DNAH11: variants seen among roughly 807,000 people sequenced by gnomAD.
The protein encoded by DNAH11 is dynein axonemal heavy chain 11, also known as axonemal beta dynein heavy chain 11.
A neutral mutation model predicts 526.0 loss-of-function variants in DNAH11; 442 were observed. That is an observed-to-expected ratio of 0.84 (90% CI 0.78 to 0.91). DNAH11 has a LOEUF of 0.91. Among genes scored for constraint, DNAH11 ranks in the 40% least tolerant of loss-of-function variants. The pLI, the probability that DNAH11 is intolerant of heterozygous loss-of-function variation, is 0.00. For synonymous variants in DNAH11, 2,461 were observed against 1,935.9 expected (o/e 1.27, Z -7.12); for missense variants, 6,989 against 5,448.7 (o/e 1.28, Z -8.90).
chr7:21,826,261 G>A (rs1167818779), intron 65 of DNAH11, among the ~76,000 whole-genome samples: 3 of 151,926 alleles, frequency 2.0e-5, no homozygotes, highest in Non-Finnish European at 4.4e-5. Context: ...ACAAAATAAA[G>A]ACTTTCTTAT....
chr7:21,669,301 A>G (rs1172974218), intron 30 of DNAH11, among the ~76,000 whole-genome samples: 1 of 152,116 alleles, frequency 6.6e-6, no homozygotes, highest in African/African-American at 2.4e-5. Context: ...CCTCTTTTGT[A>G]GCAAGGACTA....
At chr7:21,616,048 T>A (rs1033089248) in intron 21 of DNAH11, among the ~76,000 whole-genome samples, 161 bp from the exon 22 acceptor site, 1 of 152,218 alleles carries the variant, frequency 6.6e-6, no homozygotes, top group African/African-American at 2.4e-5. Context: ...AACTTTTTTG[T>A]TTTGGTGATA....
At position 21,600,845 on chromosome 7, in the gene DNAH11, A is replaced by G. The variant is rs1156271424; in HGVS notation, c.3170A>G (p.His1057Arg). Residue 1057 changes from histidine to arginine, a missense_variant, in exon 16 of 82, where the codon CAT becomes CGT. His to Arg is a conservative substitution (Grantham distance 29, BLOSUM62 0). Transcript: ENST00000409508. ...ATGAAGCATTTTCTCTTGTATGGCC[A>G]TGCTGTGTCTTCCGATGAAATGGAT... ...EFMKHFLLYG[H>R]AVSSDEMDAH... The G allele has an allele frequency of 1.2e-6, 2 of 1,613,980 alleles. No homozygotes were observed. The highest frequency in any genetic ancestry group is 1.7e-5 in the Admixed American group (1 of 60,016).
At chr7:21,776,960 GTGTA>G (rs1195387220) in intron 56 of DNAH11, among the ~76,000 whole-genome samples, 30 of 144,928 alleles carry the variant, frequency 2.1e-4, no homozygotes, top group African/African-American at 7.2e-4. Context: ...GTGTGTGTGT[GTGTA>G]TGTTTTATGC....
chr7:21,884,178 C>T, intron 75 of DNAH11, 113 bp from the exon 76 acceptor site: 1 of 867,514 alleles, frequency 1.2e-6, no homozygotes, highest in Non-Finnish European at 1.6e-6. Context: ...TTTAAATCCT[C>T]CTATTGACGG....
rs565420983 is a variant in DNAH11 at position 21,812,029 on chromosome 7, C to G, written c.10332+3980C>G. 2.6e-5 allele frequency among the ~76,000 whole-genome samples: 4 copies of G among 152,170 alleles called. No homozygotes were observed. The South Asian group carries it at 8.3e-4, about 32-fold the overall frequency. ...GGATGGGGGTGTTGTATAATCTTCC[C>G]GGGTGATTCTGATATCATCCCCTTC... On this transcript the variant is annotated intron_variant, in intron 63 of 81. Transcript: ENST00000409508.
In DNAH11 at chr7:21,655,816, A is replaced by G. The variant is rs72657328; in HGVS notation, c.4945-16A>G. 3.8e-4 allele frequency: 603 copies of G among 1,607,240 alleles called. No homozygotes were observed. Among genetic ancestry groups the G allele is most frequent in the Non-Finnish European group, 4.8e-4 (566 of 1,175,738 alleles). On this transcript the variant is annotated splice_polypyrimidine_tract_variant and intron_variant, in intron 28 of 81. Transcript: ENST00000409508. Reference sequence around the variant, plus strand: ...AGTAAGAAATGTTCTTATCTTTTCTAATATTCTCATTTTAGGTAACATGTC... The same window carrying G: ...AGTAAGAAATGTTCTTATCTTTTCTGATATTCTCATTTTAGGTAACATGTC...
chr7:21,630,662 G>C (rs1786561427), intron 25 of DNAH11, among the ~76,000 whole-genome samples: 1 of 151,990 alleles, frequency 6.6e-6, no homozygotes, highest in African/African-American at 2.4e-5. Context: ...CTTTCTACTG[G>C]CCTGTATTCT....
chr7:21,728,237 C>CTTTTTTTT (rs71026816), intron 45 of DNAH11, among the ~76,000 whole-genome samples: 1 of 58,946 alleles, frequency 1.7e-5, no homozygotes, highest in African/African-American at 7.6e-5. Context: ...GCCCACAATT[C>CTTTTTTTT]TTTTTTTTTT....
chr7:21,562,701 G>C (rs1305570093), intron 5 of DNAH11, among the ~76,000 whole-genome samples: 1 of 149,840 alleles, frequency 6.7e-6, no homozygotes, highest in East Asian at 2.0e-4. Context: ...TAATATTTAA[G>C]GGCACTTACC....
chr7:21,784,565 A>C (rs1439187501), intron 58 of DNAH11, 25 bp downstream of exon 58: 4 of 1,521,956 alleles, frequency 2.6e-6, no homozygotes, highest in South Asian at 1.2e-5. Context: ...TTGGTCCCTG[A>C]GTTTCCTCAA....
rs758045967 is a variant in DNAH11 at position 21,742,166 on chromosome 7, G to A, written c.8154G>A (p.Gln2718=). Reference sequence around the variant, plus strand: ...TGAGAGATTTATCAAACGTCTTCCAGGTACCTTGACTGCTCTATGTTATGC... The same window carrying A: ...TGAGAGATTTATCAAACGTCTTCCAAGTACCTTGACTGCTCTATGTTATGC... The part of the protein sequence containing the change: ...FNLRDLSNVF[Q]GILFASPECL... Residue 2718 remains glutamine (Q), a splice_region_variant and synonymous_variant, in exon 49 of 82, where the codon CAG becomes CAA. Coordinates refer to ENST00000409508, the MANE Select transcript of DNAH11 (RefSeq NM_001277115.2). The A allele has an allele frequency of 2.5e-6, 4 of 1,613,334 alleles. No homozygotes were observed. Among genetic ancestry groups the A allele is most frequent in the Non-Finnish European group, 3.4e-6 (4 of 1,179,772 alleles).
At chr7:21,776,732 C>T (rs976721314) in intron 56 of DNAH11, among the ~76,000 whole-genome samples, 8 of 152,174 alleles carry the variant, frequency 5.3e-5, no homozygotes, top group Non-Finnish European at 1.2e-4. Flanking sequence ...TTGTCCTAGT[C>T]TCTTGGGTGA....
chr7:21,811,723 A>G (rs933100688), intron 63 of DNAH11, among the ~76,000 whole-genome samples: 1 of 152,222 alleles, frequency 6.6e-6, no homozygotes, highest in African/African-American at 2.4e-5. Context: ...GACAAATTTT[A>G]TGTTAAGTAT....
intron 68 of DNAH11, among the ~76,000 whole-genome samples, chr7:21,854,702 C>T (rs1782768476): frequency 6.6e-6 from 1 of 152,028 alleles, no homozygotes; most frequent in African/African-American, 2.4e-5. Context: ...GCCACCACAC[C>T]TGGCTAATTT....
chr7:21,866,789 T>G, intron 71 of DNAH11, 126 bp downstream of exon 71: 1 of 1,041,474 alleles, frequency 9.6e-7, no homozygotes. Context: ...CTGCTGAGAT[T>G]TTGATATTAT....
rs1288689371 is a variant in DNAH11 at position 21,705,496 on chromosome 7, T to A, written c.6505T>A (p.Ser2169Thr). 3.7e-6 allele frequency: 6 copies of A among 1,613,636 alleles called. No homozygotes were observed. The South Asian group carries it at 4.4e-5, about 12-fold the overall frequency. The change falls in exon 39 of 82, where the codon TCG becomes ACG. Residue 2169 changes from serine to threonine, a missense_variant. Physicochemically the swap from Ser to Thr is moderately conservative, Grantham distance 58 (BLOSUM62 1). Coordinates refer to ENST00000409508, the MANE Select transcript of DNAH11 (RefSeq NM_001277115.2). ...QLEELLAVRH[S>T]VFVVGNAGTG... ...TGAGGAACTGTTGGCTGTGCGGCAC[T>A]CGGTCTTTGTAGTTGGAAATGCAGG...
rs991072688 is a variant in DNAH11, at chr7:21,716,996, T to A, written c.6984-779T>A. On this transcript the variant is annotated intron_variant, in intron 42 of 81. Transcript: ENST00000409508. ...ACCTGTGGTCATACTCCTTCTCTGC[T>A]GGCTGCTAAATGTATTTATTCCCCA... 2.6e-5 allele frequency among the ~76,000 whole-genome samples: 4 copies of A among 152,296 alleles called. No individual in the cohort carries two copies. The East Asian group carries it at 7.7e-4, about 29-fold the overall frequency.
chr7:21,748,511 A>C (rs942766742), intron 51 of DNAH11, 69 bp from the exon 52 acceptor site: 7 of 1,306,950 alleles, frequency 5.4e-6, no homozygotes, highest in Non-Finnish European at 3.9e-6. Context: ...ATAAATAAAA[A>C]TAAACAGAAC....
Sources: gnomAD v4.1 joint callset for allele counts (sites outside exome capture counted in the v4.1 genomes callset) on GRCh38, gnomAD v4.1.1 for gene constraint, MANE v1.5 for transcripts, NCBI Gene and HGNC (gene_info 2026-07-23, HGNC 2026-07-21) for gene names.